TMEM255B: variants seen among roughly 807,000 people sequenced by gnomAD.
The protein encoded by TMEM255B is transmembrane protein 255B.
Under a neutral mutation model 34.5 loss-of-function variants are expected in TMEM255B, and 35 were observed. The ratio of observed to expected loss-of-function variants is 1.01; its 90% confidence interval spans 0.77 to 1.34. The LOEUF is 1.34. Ranked by LOEUF, TMEM255B falls within the 40% of genes most tolerant of loss-of-function variation. The probability of loss-of-function intolerance (pLI) is 0.00; values close to 1 mark genes in which losing one functional copy is unlikely to be tolerated. For missense variants in TMEM255B, 432 were observed against 433.2 expected (o/e 1.00, Z 0.02); for synonymous variants, 206 against 201.2 (o/e 1.02, Z -0.20).
chr13:113,816,311 G>A lies in TMEM255B; in HGVS notation c.*4408G>A, dbSNP rs565029704. ...GGGGAGAGGTGCAGTCACTGGTCAG[G>A]GACACGAGTTCTTGTGGGAAGAGGA... On this transcript the variant is annotated 3_prime_UTR_variant, in exon 9 of 9. Coordinates refer to ENST00000375353, the MANE Select transcript of TMEM255B (RefSeq NM_182614.4). The A allele has an allele frequency of 6.4e-5, 11 of 172,312 alleles. No homozygotes were observed. The highest frequency in any genetic ancestry group is 2.2e-4 in the African/African-American group (9 of 41,652). 10.7% of individuals were successfully genotyped at this position (172,312 alleles called of 1,614,324 possible). A position where few individuals can be genotyped will look rare whatever the true frequency, so the allele number is the denominator to read the frequency against.
chr13:113,778,236 G>C (rs1026638406), intron 3 of TMEM255B, among the ~76,000 whole-genome samples: 1 of 152,220 alleles, frequency 6.6e-6, no homozygotes, highest in Non-Finnish European at 1.5e-5. Flanking sequence ...GGAGATGTGA[G>C]GGAGGGAAAG....
chr13:113,772,046 T>TTAA (rs1407085334), intron 3 of TMEM255B, among the ~76,000 whole-genome samples: 1 of 152,230 alleles, frequency 6.6e-6, no homozygotes, highest in Non-Finnish European at 1.5e-5. Flanking sequence ...ATCTAATGTG[T>TTAA]GATAAGTGGT....
intron 3 of TMEM255B, among the ~76,000 whole-genome samples, chr13:113,781,634 C>G (rs532479139): frequency 6.6e-6 from 1 of 152,288 alleles, no homozygotes; most frequent in East Asian, 1.9e-4. Flanking sequence ...CTGATTCATT[C>G]CAGCATCAAA....
chr13:113,806,915 G>A lies in TMEM255B; in HGVS notation c.813+1887G>A, dbSNP rs1470868798. Among the ~76,000 whole-genome samples the A allele has an allele frequency of 6.6e-6, 1 of 152,196 alleles. No homozygotes were observed. The highest frequency in any genetic ancestry group is 1.5e-5 in the Non-Finnish European group (1 of 68,022). ...GCGGCTCTACACAGACACAGACTTG[G>A]AATCGCATGGGTGCCAAGAACGTGC... On this transcript the variant is annotated intron_variant, in intron 8 of 8. Coordinates refer to ENST00000375353, the MANE Select transcript of TMEM255B (RefSeq NM_182614.4). This position sits in a 1 kb window ranked among gnomAD's most constrained non-coding sequence, Gnocchi z 4.2.
In TMEM255B at chr13:113,811,953, A is replaced by T. The variant is rs778010419; in HGVS notation, c.*50A>T. Reference sequence around the variant, plus strand: ...TTGTTTGTTTTTTTTTTTAAAAAAAAGGCAGCCTCTAGAAATCCCGCTTCT... The same window carrying T: ...TTGTTTGTTTTTTTTTTTAAAAAAATGGCAGCCTCTAGAAATCCCGCTTCT... On this transcript the variant is annotated 3_prime_UTR_variant, in exon 9 of 9. Transcript: ENST00000375353. 16 of 1,531,704 alleles carry T rather than the reference A, an allele frequency of 1.0e-5. No individual in the cohort carries two copies. The East Asian group carries it at 2.5e-4, about 24-fold the overall frequency. 94.9% of individuals were successfully genotyped at this position (1,531,704 alleles called of 1,614,324 possible). A position where few individuals can be genotyped will look rare whatever the true frequency, so the allele number is the denominator to read the frequency against.
At chr13:113,811,544 T>A (rs2051307700) in intron 8 of TMEM255B, among the ~76,000 whole-genome samples, 192 bp from the exon 9 acceptor site, 1 of 124,710 alleles carries the variant, frequency 8.0e-6, no homozygotes, top group South Asian at 2.9e-4. Context: ...TGGCCCTAGG[T>A]CTGAGGGGGC....
At chr13:113,776,591 C>T (rs1041289826) in intron 3 of TMEM255B, among the ~76,000 whole-genome samples, 6 of 152,234 alleles carry the variant, frequency 3.9e-5, no homozygotes, top group African/African-American at 7.2e-5. Context: ...AGCAGGCCCT[C>T]GCCTCAGGAC....
chr13:113,763,710 T>C (rs1045074539), intron 1 of TMEM255B, among the ~76,000 whole-genome samples: 43 of 152,252 alleles, frequency 2.8e-4, no homozygotes, highest in African/African-American at 1.0e-3. Flanking sequence ...ATGAGTGTTC[T>C]ACAAAAAATC....
intron 7 of TMEM255B, chr13:113,802,991 C>G (rs2051094789): frequency 6.7e-6 from 1 of 148,418 alleles, no homozygotes; most frequent in South Asian, 2.1e-4. Flanking sequence ...CTCCTCGGTG[C>G]AAGCTTCTCT....
chr13:113,779,049 G>A (rs559299103), intron 3 of TMEM255B, among the ~76,000 whole-genome samples: 24 of 152,278 alleles, frequency 1.6e-4, no homozygotes, highest in Admixed American at 1.2e-3. Flanking sequence ...GGAGCTTGTC[G>A]CAGGTTCAGA....
chr13:113,785,486 G>A (rs1206318827), intron 3 of TMEM255B, among the ~76,000 whole-genome samples: 2 of 152,242 alleles, frequency 1.3e-5, no homozygotes, highest in Non-Finnish European at 1.5e-5. Context: ...CTCTCTTGCT[G>A]TTGTCTTTAG....
chr13:113,786,304 T>C (rs184671806), intron 3 of TMEM255B, among the ~76,000 whole-genome samples: 1,708 of 150,960 alleles, frequency 0.011, 30 homozygotes, highest in South Asian at 0.048. Context: ...TCATTGCCAT[T>C]GTCACCTTCC....
At chr13:113,764,318 C>A (rs951643632) in intron 1 of TMEM255B, among the ~76,000 whole-genome samples, 6 of 152,146 alleles carry the variant, frequency 3.9e-5, no homozygotes, top group Admixed American at 1.3e-4. Context: ...GTGACCCCTG[C>A]AGAAGCTGCC....
chr13:113,805,216 C>T (rs567560277), intron 8 of TMEM255B, among the ~76,000 whole-genome samples, 188 bp downstream of exon 8: 1 of 152,176 alleles, frequency 6.6e-6, no homozygotes, highest in Non-Finnish European at 1.5e-5. Flanking sequence ...GGCCGGGGAC[C>T]GCGCCAGGTG....
chr13:113,768,573 A>G (rs2050428539), intron 2 of TMEM255B, among the ~76,000 whole-genome samples: 1 of 151,880 alleles, frequency 6.6e-6, no homozygotes, highest in Non-Finnish European at 1.5e-5. Context: ...CTTTCCCCAC[A>G]CCTGGCACCT....
At chr13:113,781,608 G>C (rs2050667466) in intron 3 of TMEM255B, among the ~76,000 whole-genome samples, 1 of 152,178 alleles carries the variant, frequency 6.6e-6, no homozygotes, top group Admixed American at 6.5e-5. Context: ...GACTTAGACA[G>C]AAGTGCACAC....
chr13:113,798,879 T>C (rs1397984437), intron 4 of TMEM255B, among the ~76,000 whole-genome samples: 1 of 152,056 alleles, frequency 6.6e-6, no homozygotes, highest in Non-Finnish European at 1.5e-5. Flanking sequence ...GATGATTGGA[T>C]GGATGGTTGG....
intron 8 of TMEM255B, 79 bp from the exon 9 acceptor site, chr13:113,811,657 T>C: frequency 6.5e-7 from 1 of 1,549,146 alleles, no homozygotes; most frequent in Non-Finnish European, 8.8e-7. Flanking sequence ...TGAGTGGCCC[T>C]GGTATATGTC....
chr13:113,794,706 T>A (rs1382119605), intron 3 of TMEM255B, among the ~76,000 whole-genome samples: 2 of 152,220 alleles, frequency 1.3e-5, no homozygotes, highest in Non-Finnish European at 2.9e-5. Flanking sequence ...TAACGCACTA[T>A]AAACCATTCC....
Sources: allele counts gnomAD v4.1 joint callset (sites outside exome capture counted in the v4.1 genomes callset), GRCh38; gene constraint gnomAD v4.1.1; non-coding constraint Gnocchi (gnomAD v3.1); transcripts MANE v1.5; gene names NCBI Gene and HGNC (gene_info 2026-07-23, HGNC 2026-07-21).